Variants in ZBTB46 observed in about 807,000 individuals in gnomAD.
ZBTB46 encodes zinc finger and BTB domain containing 46.
In ZBTB46, 8 loss-of-function variants were observed where a neutral mutation model predicts 44.1. That is an observed-to-expected ratio of 0.18 (90% CI 0.11 to 0.33). The LOEUF (loss-of-function observed/expected upper bound fraction) is 0.33, where lower values mean the gene tolerates loss of function less well. ZBTB46 is among the 10% of genes least tolerant of loss of function. ZBTB46 has a pLI of 1.00. For synonymous variants in ZBTB46, 409 were observed against 382.3 expected (o/e 1.07, Z -0.81); for missense variants, 651 against 847.7 (o/e 0.77, Z 2.88).
At chr20:63,756,571 C>T (rs986590770) in intron 3 of ZBTB46, among the ~76,000 whole-genome samples, 6 of 152,226 alleles carry the variant, frequency 3.9e-5, no homozygotes, top group African/African-American at 1.4e-4. Flanking sequence ...TTTTCAAAAA[C>T]GTTTTAAGCC....
At chr20:63,826,840 C>T (rs2092822155) in intron 1 of ZBTB46, among the ~76,000 whole-genome samples, 1 of 152,216 alleles carries the variant, frequency 6.6e-6, no homozygotes, top group South Asian at 2.1e-4. Context: ...TCAACTGCTC[C>T]TCATGCCTAC....
At chr20:63,798,233 G>C (rs1270810743) in intron 1 of ZBTB46, among the ~76,000 whole-genome samples, 1 of 152,066 alleles carries the variant, frequency 6.6e-6, no homozygotes, top group African/African-American at 2.4e-5. Context: ...AGTTTTCCCA[G>C]CACCATTTAT....
intron 3 of ZBTB46, among the ~76,000 whole-genome samples, chr20:63,760,893 G>A (rs1420520741): frequency 2.0e-5 from 3 of 150,758 alleles, no homozygotes; most frequent in Non-Finnish European, 3.0e-5. Context: ...GGCCTCAAGC[G>A]AGCCTTCTGA....
intron 1 of ZBTB46, among the ~76,000 whole-genome samples, chr20:63,791,845 G>T (rs1225541918): frequency 6.6e-6 from 1 of 152,202 alleles, no homozygotes; most frequent in East Asian, 1.9e-4. Flanking sequence ...TCTCTCCTTA[G>T]ACTCAGGGAT....
chr20:63,815,303 G>A (rs561577467), intron 1 of ZBTB46: 58 of 282,204 alleles, frequency 2.1e-4, no homozygotes, highest in South Asian at 1.6e-3. Context: ...GGGCAAAGGT[G>A]CAGTGGGTGC....
intron 1 of ZBTB46, among the ~76,000 whole-genome samples, chr20:63,802,430 CAAT>C (rs1338753975): frequency 2.0e-5 from 3 of 150,882 alleles, no homozygotes; most frequent in Non-Finnish European, 3.0e-5. Flanking sequence ...AAAAAAAAAA[CAAT>C]GAGGTTACTG....
chr20:63,808,407 G>A (rs541478898), intron 1 of ZBTB46, among the ~76,000 whole-genome samples: 1 of 152,320 alleles, frequency 6.6e-6, no homozygotes, highest in African/African-American at 2.4e-5. Context: ...GGCGTGGGGC[G>A]GAAGCGGGGC....
chr20:63,766,130 T>G (rs2092318297), intron 3 of ZBTB46, among the ~76,000 whole-genome samples: 1 of 151,166 alleles, frequency 6.6e-6, no homozygotes, highest in South Asian at 2.1e-4. Flanking sequence ...AATCTCACAG[T>G]CAGATGCCAC....
chr20:63,794,677 A>T (rs576768039), intron 1 of ZBTB46, among the ~76,000 whole-genome samples: 1 of 152,368 alleles, frequency 6.6e-6, no homozygotes, highest in African/African-American at 2.4e-5. Flanking sequence ...GTAGAAGAGC[A>T]GCTGCAACCC....
chr20:63,747,104 C>T lies in ZBTB46; in HGVS notation c.1596G>A (p.Gly532=), dbSNP rs1182257744. 1.9e-6 allele frequency: 3 copies of T among 1,609,998 alleles called. No individual in the cohort carries two copies. Among genetic ancestry groups the T allele is most frequent in the Non-Finnish European group, 1.7e-6 (2 of 1,179,576 alleles). The part of the protein sequence containing the change: ...GSPEALFPGD[G]PYLEDPEDPR... ...GGTCCTCAGGGTCCTCCAGATAGGG[C>T]CCGTCGCCTGGGAACAGCGCCTCTG... The change falls in exon 5 of 5, where the codon GGG becomes GGA. Residue 532 remains glycine, a synonymous_variant. Transcript: ENST00000245663.
In ZBTB46 at chr20:63,790,035, G is replaced by A. The variant is rs372021569; in HGVS notation, c.723C>T (p.Ser241=). The A allele has an allele frequency of 6.4e-5, 104 of 1,613,906 alleles. No individual in the cohort carries two copies. Among genetic ancestry groups the A allele is most frequent in the African/African-American group, 2.5e-4 (19 of 75,050 alleles). ...CACCGTCCTTGGCAGAAGGCAGCTC[G>A]CTCCCTCCGTACTGAGACGGTGAAA... ...EQVSPSQYGG[S]ELPSAKDGAV... The change falls in exon 2 of 5, where the codon AGC becomes AGT. Residue 241 remains serine, a synonymous_variant. Transcript: ENST00000245663.
At chr20:63,816,088 A>G (rs796081692) in intron 1 of ZBTB46, among the ~76,000 whole-genome samples, 36 of 118,548 alleles carry the variant, frequency 3.0e-4, no homozygotes, top group Middle Eastern at 6.7e-3. Context: ...ACAGGTGGGC[A>G]CAGGTGCAGT....
intron 2 of ZBTB46, among the ~76,000 whole-genome samples, chr20:63,786,379 G>C (rs2092514486): frequency 6.6e-6 from 1 of 152,188 alleles, no homozygotes; most frequent in South Asian, 2.1e-4. Flanking sequence ...AGGTGCTCCT[G>C]GCATCTGTGG....
chr20:63,818,887 A>G (rs1173509724), intron 1 of ZBTB46, among the ~76,000 whole-genome samples: 3 of 147,182 alleles, frequency 2.0e-5, no homozygotes, highest in African/African-American at 5.0e-5. Context: ...AAAAAAAAAA[A>G]AAGAAGGCCA....
intron 1 of ZBTB46, among the ~76,000 whole-genome samples, chr20:63,822,979 G>C (rs891350930): frequency 6.6e-6 from 1 of 151,954 alleles, no homozygotes; most frequent in Non-Finnish European, 1.5e-5. Flanking sequence ...TGGGCAACAT[G>C]GACAAACCCC....
intron 1 of ZBTB46, among the ~76,000 whole-genome samples, chr20:63,793,215 C>T (rs965980106): frequency 3.3e-5 from 5 of 152,176 alleles, no homozygotes; most frequent in African/African-American, 1.2e-4. Context: ...GAGGCAAACG[C>T]GTGTGGGTGC....
intron 1 of ZBTB46, among the ~76,000 whole-genome samples, chr20:63,818,691 TA>T (rs983632048): frequency 6.7e-4 from 100 of 148,958 alleles, no homozygotes; most frequent in Middle Eastern, 3.5e-3. Flanking sequence ...CCGTGTCTAT[TA>T]AAAAAAAATG....
chr20:63,766,507 C>T (rs2145823208), intron 3 of ZBTB46, among the ~76,000 whole-genome samples: 1 of 149,746 alleles, frequency 6.7e-6, no homozygotes, highest in East Asian at 1.9e-4. Context: ...TGAGCCACTG[C>T]ACCTGGCCAA....
intron 2 of ZBTB46, among the ~76,000 whole-genome samples, chr20:63,778,856 C>T (rs1355505095): frequency 6.6e-6 from 1 of 152,154 alleles, no homozygotes; most frequent in Non-Finnish European, 1.5e-5. Flanking sequence ...CTTGGGATGC[C>T]ATGACAAAAT....
Sources: gnomAD v4.1 joint callset for allele counts (sites outside exome capture counted in the v4.1 genomes callset) on GRCh38, gnomAD v4.1.1 for gene constraint, MANE v1.5 for transcripts, NCBI Gene and HGNC (gene_info 2026-07-23, HGNC 2026-07-21) for gene names.